The following MAP7 variants were observed in gnomAD, a reference collection of about 807,000 sequenced individuals.
The protein encoded by MAP7 is ensconsin.
In MAP7, 52 loss-of-function variants were observed where a neutral mutation model predicts 94.8. The observed-to-expected ratio is 0.55, with a 90% CI of 0.44 to 0.69. The LOEUF is 0.69. MAP7 is among the 30% of genes least tolerant of loss of function. The pLI, the probability that MAP7 is intolerant of heterozygous loss-of-function variation, is 0.00. For missense variants in MAP7, 940 were observed against 964.6 expected, an observed-to-expected ratio of 0.97 and a Z score of 0.34; for synonymous variants, 350 against 357.0, an observed-to-expected ratio of 0.98 and a Z score of 0.22.
intron 3 of MAP7, among the ~76,000 whole-genome samples, chr6:136,407,103 G>T (rs1404001903): frequency 6.6e-6 from 1 of 152,200 alleles, no homozygotes; most frequent in Non-Finnish European, 1.5e-5. Context: ...CTGGCCCATA[G>T]TTAGTGCTCA....
chr6:136,414,601 CA>C (rs1320881947), intron 2 of MAP7, among the ~76,000 whole-genome samples: 1 of 151,986 alleles, frequency 6.6e-6, no homozygotes. Context: ...AATTACTTAT[CA>C]CTTTAATACT....
intron 1 of MAP7, among the ~76,000 whole-genome samples, chr6:136,543,438 C>T (rs1829486409): frequency 6.6e-6 from 1 of 152,148 alleles, no homozygotes; most frequent in Middle Eastern, 3.2e-3. Flanking sequence ...CACCTTTGGT[C>T]AGGAGTTCAT....
At chr6:136,398,727 C>A (rs1783230261) in intron 3 of MAP7, among the ~76,000 whole-genome samples, 1 of 152,188 alleles carries the variant, frequency 6.6e-6, no homozygotes, top group South Asian at 2.1e-4. Context: ...CCACGTGGAA[C>A]TTTAAGTCCA....
At chr6:136,356,904 G>C in intron 15 of MAP7, 110 bp from the exon 16 acceptor site, 1 of 804,600 alleles carries the variant, frequency 1.2e-6, no homozygotes, top group African/African-American at 1.7e-5. Context: ...CTACTTAAGT[G>C]ATGTGAGACC....
chr6:136,510,600 C>T (rs190734000), intron 1 of MAP7, among the ~76,000 whole-genome samples: 1 of 152,088 alleles, frequency 6.6e-6, no homozygotes, highest in Admixed American at 6.5e-5. Context: ...CCACCCTCAT[C>T]GCTGGTTTTG....
At chr6:136,347,518 GTC>G (rs1389235222) in intron 16 of MAP7, among the ~76,000 whole-genome samples, 2 of 152,118 alleles carry the variant, frequency 1.3e-5, no homozygotes, top group African/African-American at 4.8e-5. Context: ...TGGTTCCTGA[GTC>G]TCAGCCTCCC....
At chr6:136,359,149 T>A (rs1791808184) in intron 15 of MAP7, among the ~76,000 whole-genome samples, 1 of 151,950 alleles carries the variant, frequency 6.6e-6, no homozygotes, top group African/African-American at 2.4e-5. Context: ...ACATTTGACT[T>A]ATAATCTCCA....
chr6:136,397,034 T>C (rs1192677673), intron 3 of MAP7, among the ~76,000 whole-genome samples: 1 of 152,226 alleles, frequency 6.6e-6, no homozygotes, highest in Non-Finnish European at 1.5e-5. Context: ...CCAACTGTTA[T>C]TGAATTCCAC....
At chr6:136,449,456 T>C (rs1800431161) in intron 1 of MAP7, among the ~76,000 whole-genome samples, 1 of 152,244 alleles carries the variant, frequency 6.6e-6, no homozygotes, top group African/African-American at 2.4e-5. Flanking sequence ...GGTTGGAGAT[T>C]TATGTTAATA....
intron 15 of MAP7, 134 bp from the exon 16 acceptor site, chr6:136,356,928 C>T: frequency 3.1e-6 from 2 of 648,200 alleles, no homozygotes; most frequent in East Asian, 5.5e-5. Context: ...GGCACATCAC[C>T]TAAACTCTCT....
At chr6:136,354,355 T>C (rs1211862394) in intron 16 of MAP7, among the ~76,000 whole-genome samples, 1 of 144,326 alleles carries the variant, frequency 6.9e-6, no homozygotes, top group Non-Finnish European at 1.5e-5. Flanking sequence ...AAAGGAAATA[T>C]ATATATAGTA....
intron 1 of MAP7, among the ~76,000 whole-genome samples, chr6:136,543,889 A>G (rs1352291771): frequency 6.6e-6 from 1 of 152,192 alleles, no homozygotes; most frequent in Non-Finnish European, 1.5e-5. Flanking sequence ...AACTAAAAAA[A>G]GAAAATAAAA....
Position 136,360,698 on chromosome 6 carries a change from T to C in MAP7, c.1802A>G (p.Lys601Arg). Residue 601 changes from lysine to arginine, a missense_variant and splice_region_variant, in exon 13 of 18, where the codon AAG becomes AGG. Physicochemically the swap from Lys to Arg is conservative, Grantham distance 26. Coordinates refer to ENST00000354570, the MANE Select transcript of MAP7 (RefSeq NM_003980.6). Reference sequence around the variant, plus strand: ...GCCTCTCTACTAAGACGCAGCTACCTTCTTTCTCTCCAGGCGCTCTTGCTC... The same window carrying C: ...GCCTCTCTACTAAGACGCAGCTACCCTCTTTCTCTCCAGGCGCTCTTGCTC... ...REEQERLERK[K>R]RLEEIMKRTR... 6.2e-7 allele frequency: 1 copy of C among 1,614,068 alleles called. No individual in the cohort carries two copies.
chr6:136,492,717 C>G (rs1195357986), intron 1 of MAP7, among the ~76,000 whole-genome samples: 1 of 152,068 alleles, frequency 6.6e-6, no homozygotes. Flanking sequence ...TGCATCTTAA[C>G]TTAGCTAGAT....
chr6:136,377,954 C>T (rs1041231498), intron 6 of MAP7, 86 bp from the exon 7 acceptor site: 26 of 945,672 alleles, frequency 2.7e-5, no homozygotes, highest in African/African-American at 6.4e-5. Flanking sequence ...TGCTTCCATA[C>T]GCTGGGCCTT....
intron 9 of MAP7, 23 bp from the exon 10 acceptor site, chr6:136,366,041 A>G: frequency 6.3e-7 from 1 of 1,598,392 alleles, no homozygotes; most frequent in Non-Finnish European, 8.5e-7. Flanking sequence ...CAAACAAGGC[A>G]GACAAAAGGG....
At chr6:136,444,586 GGT>G (rs1460541296) in intron 1 of MAP7, among the ~76,000 whole-genome samples, 1 of 152,102 alleles carries the variant, frequency 6.6e-6, no homozygotes, top group Non-Finnish European at 1.5e-5. Context: ...AATTTTCAGT[GGT>G]ATAGAATAGT....
intron 2 of MAP7, among the ~76,000 whole-genome samples, chr6:136,414,247 C>T (rs1195949107): frequency 2.7e-4 from 3 of 10,938 alleles, no homozygotes; most frequent in African/African-American, 3.9e-4. Flanking sequence ...AGCGAGACTC[C>T]GTCTCAAAAA....
chr6:136,434,335 C>T (rs532584243), intron 1 of MAP7, among the ~76,000 whole-genome samples: 1 of 147,436 alleles, frequency 6.8e-6, no homozygotes, highest in South Asian at 2.2e-4. Flanking sequence ...AGAACTCAAA[C>T]TTCTAGTGAC....
Sources: allele counts gnomAD v4.1 joint callset (sites outside exome capture counted in the v4.1 genomes callset), GRCh38; gene constraint gnomAD v4.1.1; transcripts MANE v1.5; gene names NCBI Gene and HGNC (gene_info 2026-07-23, HGNC 2026-07-21).